The following AGBL4 variants were observed in gnomAD, a reference collection of about 807,000 sequenced individuals.
AGBL4 encodes AGBL carboxypeptidase 4, also known as cytosolic carboxypeptidase 6.
Under a neutral mutation model 66.4 loss-of-function variants are expected in AGBL4, and 58 were observed. The ratio of observed to expected loss-of-function variants is 0.87; its 90% CI spans 0.71 to 1.09. AGBL4 has a LOEUF of 1.09. Among genes scored for constraint, AGBL4 ranks in the 50% least tolerant of loss-of-function variants. AGBL4 has a pLI of 0.00. For missense variants in AGBL4, 579 were observed against 631.0 expected (o/e 0.92, Z 0.88); for synonymous variants, 234 against 222.9 (o/e 1.05, Z -0.44).
chr1:48,932,356 G>A (rs1203435989), intron 5 of AGBL4, among the ~76,000 whole-genome samples: 1 of 152,096 alleles, frequency 6.6e-6, no homozygotes, highest in African/African-American at 2.4e-5. Context: ...CCGTGTAAAA[G>A]GGTCATGAAA....
At chr1:49,311,649 A>C (rs1214651771) in intron 3 of AGBL4, among the ~76,000 whole-genome samples, 1 of 152,062 alleles carries the variant, frequency 6.6e-6, no homozygotes, top group Non-Finnish European at 1.5e-5. Flanking sequence ...GCAAAGAATT[A>C]ATATTGTAAT....
Position 49,096,058 on chromosome 1 carries a change from C to T in AGBL4, c.378-50258G>A, listed in dbSNP as rs1237431231. On this transcript the variant is annotated intron_variant, in intron 4 of 13. Transcript: ENST00000371839. ...TGAACAGACACTTCTCAAAAGAAGA[C>T]ATTTATGCAGCCAACAGACACATGA... Among the ~76,000 whole-genome samples the T allele has an allele frequency of 3.9e-5, 6 of 151,944 alleles. No individual in the cohort carries two copies. The South Asian group carries it at 6.3e-4, about 16-fold the overall frequency.
intron 4 of AGBL4, among the ~76,000 whole-genome samples, chr1:49,185,969 G>A (rs1647009797): frequency 6.6e-6 from 1 of 152,064 alleles, no homozygotes; most frequent in Admixed American, 6.6e-5. Flanking sequence ...TACTTTCCCT[G>A]TATCAGAATG....
chr1:49,023,905 A>G (rs1318774823), intron 5 of AGBL4, among the ~76,000 whole-genome samples: 1 of 152,132 alleles, frequency 6.6e-6, no homozygotes, highest in African/African-American at 2.4e-5. Flanking sequence ...GGTTTTCTTA[A>G]TAGCTTTAAT....
intron 4 of AGBL4, among the ~76,000 whole-genome samples, chr1:49,088,557 C>T (rs1433700134): frequency 6.6e-6 from 1 of 152,090 alleles, no homozygotes; most frequent in Non-Finnish European, 1.5e-5. Flanking sequence ...TCTAGCTATA[C>T]TAAAAATATG....
At chr1:49,919,954 TCTTTGAC>T (rs1652026519) in intron 1 of AGBL4, among the ~76,000 whole-genome samples, 1 of 152,212 alleles carries the variant, frequency 6.6e-6, no homozygotes, top group South Asian at 2.1e-4. Context: ...AACTATCTGA[TCTTTGAC>T]AAACCTGACA....
chr1:49,900,366 C>T (rs1180450524), intron 1 of AGBL4, among the ~76,000 whole-genome samples: 2 of 152,072 alleles, frequency 1.3e-5, no homozygotes, highest in Non-Finnish European at 2.9e-5. Context: ...CTGCCTCAAC[C>T]TCCTGAGTAG....
At chr1:49,120,262 T>C (rs1454011149) in intron 4 of AGBL4, among the ~76,000 whole-genome samples, 2 of 152,268 alleles carry the variant, frequency 1.3e-5, no homozygotes, top group African/African-American at 2.4e-5. Flanking sequence ...GCAGTTTCTT[T>C]ATAGCATTGA....
intron 4 of AGBL4, among the ~76,000 whole-genome samples, chr1:49,132,909 A>C (rs1215475457): frequency 1.3e-5 from 2 of 152,220 alleles, no homozygotes; most frequent in Admixed American, 1.3e-4. Flanking sequence ...AAAGGATTAT[A>C]AATCATTCTA....
intron 1 of AGBL4, among the ~76,000 whole-genome samples, chr1:49,915,861 G>A (rs760427688): frequency 5.3e-5 from 8 of 151,992 alleles, no homozygotes; most frequent in East Asian, 1.9e-4. Context: ...CACCTCACAC[G>A]GCCAGGTACT....
chr1:49,623,404 A>C (rs1038188741), intron 3 of AGBL4, among the ~76,000 whole-genome samples: 5 of 152,254 alleles, frequency 3.3e-5, no homozygotes. Flanking sequence ...ATTTAGATTC[A>C]GATATCTCCA....
At chr1:49,044,698 G>A (rs1376050147) in intron 5 of AGBL4, among the ~76,000 whole-genome samples, 4 of 152,088 alleles carry the variant, frequency 2.6e-5, no homozygotes, top group Admixed American at 2.6e-4. Context: ...TAAGCACAGG[G>A]ATCCTTATAA....
At chr1:49,652,140 A>G (rs1364696903) in intron 3 of AGBL4, among the ~76,000 whole-genome samples, 1 of 152,166 alleles carries the variant, frequency 6.6e-6, no homozygotes, top group Non-Finnish European at 1.5e-5. Flanking sequence ...CAATCAGTCA[A>G]AAACAAAGCA....
intron 1 of AGBL4, among the ~76,000 whole-genome samples, chr1:49,982,380 T>C (rs1421507787): frequency 1.3e-5 from 2 of 152,322 alleles, no homozygotes; most frequent in South Asian, 4.1e-4. Flanking sequence ...CTCAGGGCAG[T>C]GCTGACACAC....
At chr1:49,118,839 G>T (rs1439696577) in intron 4 of AGBL4, among the ~76,000 whole-genome samples, 2 of 151,988 alleles carry the variant, frequency 1.3e-5, no homozygotes, top group Admixed American at 1.3e-4. Context: ...GACTTTTTTT[G>T]GTTGGTAGGC....
intron 2 of AGBL4, among the ~76,000 whole-genome samples, chr1:49,826,433 A>C (rs1379111089): frequency 6.6e-6 from 1 of 152,224 alleles, no homozygotes; most frequent in East Asian, 1.9e-4. Flanking sequence ...CAGAGTGACA[A>C]ATCGAAGACT....
intron 3 of AGBL4, among the ~76,000 whole-genome samples, chr1:49,301,546 A>G (rs1046273019): frequency 6.6e-6 from 1 of 152,226 alleles, no homozygotes; most frequent in Non-Finnish European, 1.5e-5. Flanking sequence ...ATGAAAGGAC[A>G]CAAGGTTAAA....
At chr1:49,783,453 C>T (rs572396837) in intron 2 of AGBL4, among the ~76,000 whole-genome samples, 28 of 151,984 alleles carry the variant, frequency 1.8e-4, no homozygotes, top group African/African-American at 6.5e-4. Flanking sequence ...AAAAAGTATC[C>T]GTCAAAATCA....
At chr1:49,156,120 T>G (rs908899503) in intron 4 of AGBL4, among the ~76,000 whole-genome samples, 9 of 152,186 alleles carry the variant, frequency 5.9e-5, no homozygotes, top group African/African-American at 1.9e-4. Context: ...TCTTTTGACT[T>G]CAACCTGGTC....
Sources: allele counts gnomAD v4.1 joint callset (sites outside exome capture counted in the v4.1 genomes callset), GRCh38; gene constraint gnomAD v4.1.1; transcripts MANE v1.5; gene names NCBI Gene and HGNC (gene_info 2026-07-23, HGNC 2026-07-21).